Variants in CNTNAP5 observed in about 807,000 individuals in gnomAD.
The protein encoded by CNTNAP5 is contactin-associated protein-like 5.
A neutral mutation model predicts 150.2 loss-of-function variants in CNTNAP5; 72 were observed. The ratio of observed to expected loss-of-function variants is 0.48; its 90% CI spans 0.40 to 0.58. The LOEUF (loss-of-function observed/expected upper bound fraction) is 0.58. Among genes scored for constraint, CNTNAP5 ranks in the 20% least tolerant of loss-of-function variants. CNTNAP5 has a pLI of 0.00. For synonymous variants in CNTNAP5, 672 were observed against 619.8 expected (o/e 1.08, Z -1.25); for missense variants, 1,636 against 1,626.2 (o/e 1.01, Z -0.10).
chr2:124,045,500 G>A (rs1394735983), intron 1 of CNTNAP5, among the ~76,000 whole-genome samples: 2 of 151,692 alleles, frequency 1.3e-5, no homozygotes, highest in Non-Finnish European at 2.9e-5. Context: ...GACTCACCAT[G>A]TTGGTCAGGC....
chr2:124,110,085 G>C (rs1287282471), intron 1 of CNTNAP5, among the ~76,000 whole-genome samples: 2 of 152,250 alleles, frequency 1.3e-5, no homozygotes, highest in East Asian at 1.9e-4. Context: ...CACTTTTTTG[G>C]GGTATTTACT....
intron 1 of CNTNAP5, among the ~76,000 whole-genome samples, chr2:124,157,648 T>G (rs1684577562): frequency 6.6e-6 from 1 of 152,174 alleles, no homozygotes; most frequent in Non-Finnish European, 1.5e-5. Context: ...TAGTTTGGAG[T>G]AAGTTATGTA....
At chr2:124,261,178 C>T (rs940358541) in intron 3 of CNTNAP5, among the ~76,000 whole-genome samples, 4 of 152,116 alleles carry the variant, frequency 2.6e-5, no homozygotes, top group African/African-American at 9.7e-5. Context: ...TGTTCATCTG[C>T]TAATTCAGTG....
At chr2:124,513,816 G>A (rs1402662350) in intron 8 of CNTNAP5, among the ~76,000 whole-genome samples, 1 of 152,180 alleles carries the variant, frequency 6.6e-6, no homozygotes, top group African/African-American at 2.4e-5. Context: ...CAGGATGGAA[G>A]TGCTCACTCT....
chr2:124,642,347 G>T (rs904207316), intron 12 of CNTNAP5, among the ~76,000 whole-genome samples: 1 of 152,134 alleles, frequency 6.6e-6, no homozygotes. Context: ...CTTCTTTTCA[G>T]TTTGGACTAT....
At chr2:124,051,872 A>G (rs1181595823) in intron 1 of CNTNAP5, among the ~76,000 whole-genome samples, 1 of 152,204 alleles carries the variant, frequency 6.6e-6, no homozygotes, top group African/African-American at 2.4e-5. Flanking sequence ...CACATGAAGT[A>G]GAACAAGGTG....
At chr2:124,679,494 G>C (rs988558221) in intron 13 of CNTNAP5, among the ~76,000 whole-genome samples, 2 of 151,664 alleles carry the variant, frequency 1.3e-5, no homozygotes, top group African/African-American at 2.4e-5. Context: ...AAACTGAGGC[G>C]CTTTTTCCAA....
chr2:124,565,134 C>T (rs1038946654), intron 11 of CNTNAP5, among the ~76,000 whole-genome samples: 1 of 152,114 alleles, frequency 6.6e-6, no homozygotes, highest in Non-Finnish European at 1.5e-5. Flanking sequence ...TCCTTCAAAG[C>T]AGGATTCACT....
At chr2:124,471,539 A>G (rs1488729895) in intron 6 of CNTNAP5, among the ~76,000 whole-genome samples, 1 of 152,034 alleles carries the variant, frequency 6.6e-6, no homozygotes, top group Non-Finnish European at 1.5e-5. Context: ...CTTTCTTCCT[A>G]CCTGATTACC....
chr2:124,294,636 T>C (rs1199721060), intron 3 of CNTNAP5, among the ~76,000 whole-genome samples: 3 of 152,208 alleles, frequency 2.0e-5, no homozygotes, highest in Non-Finnish European at 2.9e-5. Context: ...TGTAGAGGTA[T>C]TTGGAGGCTT....
At chr2:124,711,643 C>T (rs1049983122) in intron 13 of CNTNAP5, among the ~76,000 whole-genome samples, 9 of 146,356 alleles carry the variant, frequency 6.1e-5, no homozygotes, top group East Asian at 2.1e-4. Context: ...TTGGCTAACA[C>T]GGTGAAACCC....
At chr2:124,890,169 C>T (rs910874037) in intron 21 of CNTNAP5, among the ~76,000 whole-genome samples, 2 of 151,976 alleles carry the variant, frequency 1.3e-5, no homozygotes, top group Admixed American at 1.3e-4. Context: ...TATCATAGCC[C>T]CTGACTTTAC....
At chr2:124,104,236 TG>T (rs1438004997) in intron 1 of CNTNAP5, among the ~76,000 whole-genome samples, 27 of 152,084 alleles carry the variant, frequency 1.8e-4, no homozygotes, top group African/African-American at 6.5e-4. Flanking sequence ...ACTCCATGTA[TG>T]TATCACACAT....
At chr2:124,827,056 G>A (rs2104676081) in intron 19 of CNTNAP5, among the ~76,000 whole-genome samples, 1 of 152,014 alleles carries the variant, frequency 6.6e-6, no homozygotes, top group East Asian at 1.9e-4. Flanking sequence ...GAGTCGCTAG[G>A]GCCACAGGCC....
At chr2:124,368,341 G>A (rs999675884) in intron 3 of CNTNAP5, among the ~76,000 whole-genome samples, 2 of 152,032 alleles carry the variant, frequency 1.3e-5, no homozygotes, top group South Asian at 2.1e-4. Context: ...TCTGTAATAC[G>A]CAGCGTTTTT....
At chr2:124,808,989 T>C (rs942650763) in intron 19 of CNTNAP5, among the ~76,000 whole-genome samples, 2 of 151,846 alleles carry the variant, frequency 1.3e-5, no homozygotes, top group Non-Finnish European at 2.9e-5. Flanking sequence ...TTTTTTTTTT[T>C]CTCTATACTG....
intron 1 of CNTNAP5, among the ~76,000 whole-genome samples, chr2:124,094,099 T>C (rs528413731): frequency 6.6e-6 from 1 of 152,240 alleles, no homozygotes; most frequent in Non-Finnish European, 1.5e-5. Flanking sequence ...TGAAAGTGCT[T>C]TAGCACAATA....
intron 3 of CNTNAP5, among the ~76,000 whole-genome samples, chr2:124,301,440 G>A (rs147964113): frequency 3.8e-4 from 58 of 152,332 alleles, no homozygotes; most frequent in African/African-American, 1.4e-3. Context: ...TATGCATAAT[G>A]TGGTATTCTT....
intron 3 of CNTNAP5, among the ~76,000 whole-genome samples, chr2:124,261,875 C>T (rs1360821770): frequency 6.6e-6 from 1 of 152,128 alleles, no homozygotes; most frequent in Non-Finnish European, 1.5e-5. Flanking sequence ...GTCAAGGAAA[C>T]ATGTGCAGAT....
Sources: gnomAD v4.1 joint callset for allele counts (sites outside exome capture counted in the v4.1 genomes callset) on GRCh38, gnomAD v4.1.1 for gene constraint, MANE v1.5 for transcripts, NCBI Gene and HGNC (gene_info 2026-07-23, HGNC 2026-07-21) for gene names.